FNBP1L: variants seen among roughly 807,000 people sequenced by gnomAD.
FNBP1L encodes the protein formin-binding protein 1-like.
FNBP1L carries 36 observed loss-of-function variants against 91.2 expected under a neutral mutation model. That is an observed-to-expected ratio of 0.39 (90% CI 0.30 to 0.52). The LOEUF (loss-of-function observed/expected upper bound fraction) is 0.52, where lower values mean the gene tolerates loss of function less well. Among genes scored for constraint, FNBP1L ranks in the 20% least tolerant of loss-of-function variants. The pLI is 0.66. For synonymous variants in FNBP1L, 242 were observed against 237.0 expected, an observed-to-expected ratio of 1.02 and a Z score of -0.19; for missense variants, 571 against 732.1, an observed-to-expected ratio of 0.78 and a Z score of 2.54.
intron 2 of FNBP1L, among the ~76,000 whole-genome samples, chr1:93,518,419 ATT>A (rs1299130338): frequency 1.3e-5 from 2 of 152,102 alleles, no homozygotes; most frequent in African/African-American, 2.4e-5. Flanking sequence ...CTCTTTGTGT[ATT>A]TTTTCCTTTT....
chr1:93,516,257 A>G (rs1350371150), intron 2 of FNBP1L, among the ~76,000 whole-genome samples: 3 of 152,062 alleles, frequency 2.0e-5, no homozygotes, highest in Non-Finnish European at 2.9e-5. Context: ...TTTAAAATGG[A>G]AGTGAGAAAA....
chr1:93,544,984 T>C (rs1344801273), intron 12 of FNBP1L, among the ~76,000 whole-genome samples: 1 of 152,202 alleles, frequency 6.6e-6, no homozygotes, highest in Non-Finnish European at 1.5e-5. Context: ...AGGTAGCCAC[T>C]GGTCACAATG....
At chr1:93,469,684 C>T (rs1157093920) in intron 1 of FNBP1L, among the ~76,000 whole-genome samples, 1 of 152,084 alleles carries the variant, frequency 6.6e-6, no homozygotes, top group Non-Finnish European at 1.5e-5. Context: ...ATATTGATGG[C>T]AGTGGTACTG....
chr1:93,453,260 G>A (rs1668553904), intron 1 of FNBP1L, among the ~76,000 whole-genome samples: 1 of 152,168 alleles, frequency 6.6e-6, no homozygotes, highest in Non-Finnish European at 1.5e-5. Context: ...AGTTAAGGAG[G>A]ATGAGTGAGA....
chr1:93,516,954 T>A (rs997927647), intron 2 of FNBP1L, among the ~76,000 whole-genome samples: 1 of 152,180 alleles, frequency 6.6e-6, no homozygotes, highest in Non-Finnish European at 1.5e-5. Flanking sequence ...TTATTATCTT[T>A]GATGATAATA....
intron 2 of FNBP1L, among the ~76,000 whole-genome samples, chr1:93,521,373 C>T (rs1671321290): frequency 6.6e-6 from 1 of 151,958 alleles, no homozygotes; most frequent in Admixed American, 6.6e-5. Context: ...TTACATTTTA[C>T]CTTAGTATTA....
At chr1:93,516,771 C>T (rs370706404) in intron 2 of FNBP1L, among the ~76,000 whole-genome samples, 1 of 151,846 alleles carries the variant, frequency 6.6e-6, no homozygotes, top group African/African-American at 2.4e-5. Flanking sequence ...ATGCTTTTTG[C>T]TTAAATTTGA....
At chr1:93,472,943 CTT>C (rs1669353152) in intron 1 of FNBP1L, among the ~76,000 whole-genome samples, 1 of 148,196 alleles carries the variant, frequency 6.7e-6, no homozygotes, top group South Asian at 2.2e-4. Flanking sequence ...AGAAATTACT[CTT>C]TAGCTTTTTT....
At position 93,463,722 on chromosome 1, in the gene FNBP1L, A is replaced by G. The variant is rs192908934; in HGVS notation, c.24+15417A>G. 3.3e-5 allele frequency among the ~76,000 whole-genome samples: 5 copies of G among 152,246 alleles called. No homozygotes were observed. The East Asian group carries it at 7.7e-4, about 23-fold the overall frequency. On this transcript the variant is annotated intron_variant, in intron 1 of 16. Coordinates refer to ENST00000271234, the MANE Select transcript of FNBP1L (RefSeq NM_001164473.3). ...ATCCCTGTGGGAAACAACTCTGTCA[A>G]CTGGAGTACAGTGATTATGTGCAGT...
intron 2 of FNBP1L, among the ~76,000 whole-genome samples, chr1:93,520,213 A>G (rs1671277808): frequency 6.6e-6 from 1 of 152,218 alleles, no homozygotes; most frequent in African/African-American, 2.4e-5. Context: ...AGTAGTTTGC[A>G]TGGTGCTTAG....
intron 1 of FNBP1L, among the ~76,000 whole-genome samples, chr1:93,450,821 A>G (rs1047727672): frequency 1.3e-5 from 2 of 152,208 alleles, no homozygotes; most frequent in South Asian, 4.1e-4. Flanking sequence ...TCTTGTAACA[A>G]TCATTGGAAT....
At chr1:93,516,842 A>C (rs567627865) in intron 2 of FNBP1L, among the ~76,000 whole-genome samples, 1 of 152,192 alleles carries the variant, frequency 6.6e-6, no homozygotes, top group Non-Finnish European at 1.5e-5. Context: ...AGTAATTTCT[A>C]GAAAACAACC....
intron 1 of FNBP1L, among the ~76,000 whole-genome samples, chr1:93,487,025 C>G (rs746019080): frequency 8.5e-5 from 13 of 152,248 alleles, no homozygotes; most frequent in South Asian, 2.1e-4. Context: ...CAACTTCTAT[C>G]TAATCTTTTG....
rs1306199913 is a variant in FNBP1L, at chr1:93,536,431, A to G, written c.1090A>G (p.Met364Val). 1.3e-6 allele frequency: 2 copies of G among 1,550,724 alleles called. No individual in the cohort carries two copies. Among genetic ancestry groups the G allele is most frequent in the South Asian group, 2.4e-5 (2 of 83,978 alleles). The change falls in exon 10 of 17, where the codon ATG becomes GTG. Residue 364 changes from methionine to valine, a missense_variant. Met to Val is a conservative substitution (Grantham distance 21, BLOSUM62 1). Transcript: ENST00000271234. ...CTCCATTGAGCCCGTGCATTATTGT[A>G]TGAATGAAATAAAAACAGGGAAGCC... Reference protein sequence around the residue: ...TFSIEPVHYCMNEIKTGKPRI... With the variant: ...TFSIEPVHYCVNEIKTGKPRI...
intron 1 of FNBP1L, among the ~76,000 whole-genome samples, chr1:93,473,556 A>G (rs1044363747): frequency 3.3e-5 from 5 of 152,212 alleles, no homozygotes; most frequent in African/African-American, 1.2e-4. Flanking sequence ...ACAAGCATTT[A>G]TAAAATACTT....
chr1:93,456,151 G>A (rs1054048707), intron 1 of FNBP1L, among the ~76,000 whole-genome samples: 2 of 152,156 alleles, frequency 1.3e-5, no homozygotes, highest in Admixed American at 6.5e-5. Context: ...TCAGCATTTA[G>A]AATCTGTATG....
At chr1:93,528,596 A>G (rs1473808950) in intron 5 of FNBP1L, among the ~76,000 whole-genome samples, 2 of 152,126 alleles carry the variant, frequency 1.3e-5, no homozygotes, top group African/African-American at 4.8e-5. Context: ...AAGAACGGAG[A>G]AAGCATACAA....
chr1:93,521,225 A>G (rs1671313541), intron 2 of FNBP1L, among the ~76,000 whole-genome samples: 1 of 152,204 alleles, frequency 6.6e-6, no homozygotes, highest in Non-Finnish European at 1.5e-5. Context: ...GATGAAGGCA[A>G]AAAACAGTTA....
chr1:93,527,221 T>C (rs1671522567), intron 5 of FNBP1L, among the ~76,000 whole-genome samples: 1 of 152,208 alleles, frequency 6.6e-6, no homozygotes. Flanking sequence ...TGGCTTGATA[T>C]AACAGCTATT....
Sources: gnomAD v4.1 joint callset for allele counts (sites outside exome capture counted in the v4.1 genomes callset) on GRCh38, gnomAD v4.1.1 for gene constraint, MANE v1.5 for transcripts, NCBI Gene and HGNC (gene_info 2026-07-23, HGNC 2026-07-21) for gene names.